PIBF1: variants seen among roughly 807,000 people sequenced by gnomAD.
PIBF1 encodes the protein progesterone immunomodulatory binding factor 1.
PIBF1 carries 90 observed loss-of-function variants against 112.5 expected under a neutral mutation model. That is an observed-to-expected ratio of 0.80 (90% CI 0.67 to 0.95). PIBF1 has a LOEUF of 0.95. Ranked by LOEUF, PIBF1 falls within the 40% of genes least tolerant of loss-of-function variation. The pLI is 0.00. For synonymous variants in PIBF1, 301 were observed against 288.6 expected (o/e 1.04, Z -0.44); for missense variants, 915 against 852.3 (o/e 1.07, Z -0.92).
At chr13:73,012,758 C>CAATAAT (rs60685629) in intron 17 of PIBF1, among the ~76,000 whole-genome samples, 16,447 of 147,434 alleles carry the variant, frequency 0.11, 1,143 homozygotes, top group Non-Finnish European at 0.16. Context: ...CTGTCTCCAC[C>CAATAAT]AATAATAATA....
intron 10 of PIBF1, among the ~76,000 whole-genome samples, chr13:72,885,745 C>G (rs778658622): frequency 9.9e-5 from 15 of 152,248 alleles, no homozygotes; most frequent in Middle Eastern, 3.4e-3. Context: ...AGAACCGTGG[C>G]ATCTAGAGTT....
chr13:72,980,135 A>G (rs1439865698), intron 16 of PIBF1, among the ~76,000 whole-genome samples: 7 of 152,126 alleles, frequency 4.6e-5, no homozygotes, highest in Admixed American at 3.3e-4. Flanking sequence ...GAGAGTTGGA[A>G]ATGTAGGTTC....
At chr13:72,816,696 T>TA (rs1036889954) in intron 5 of PIBF1, among the ~76,000 whole-genome samples, 230 of 139,966 alleles carry the variant, frequency 1.6e-3, no homozygotes, top group East Asian at 4.5e-3. Context: ...TTTTTTTCTT[T>TA]AAAAAAAAAA....
chr13:72,870,336 A>G (rs2039109825), intron 10 of PIBF1, among the ~76,000 whole-genome samples: 1 of 152,172 alleles, frequency 6.6e-6, no homozygotes, highest in South Asian at 2.1e-4. Flanking sequence ...AACATTATGA[A>G]CTCAGCACTT....
chr13:72,790,237 A>G (rs2034827075), intron 2 of PIBF1, among the ~76,000 whole-genome samples: 1 of 152,198 alleles, frequency 6.6e-6, no homozygotes, highest in Non-Finnish European at 1.5e-5. Flanking sequence ...CTAAGGGCAG[A>G]CAAGACAGAA....
chr13:73,014,010 G>A (rs1342002175), intron 17 of PIBF1, among the ~76,000 whole-genome samples: 1 of 152,130 alleles, frequency 6.6e-6, no homozygotes, highest in East Asian at 1.9e-4. Flanking sequence ...ACTAGGCCCA[G>A]ATGGGTTCAC....
chr13:72,972,597 G>A (rs746226318), intron 15 of PIBF1, among the ~76,000 whole-genome samples: 34 of 151,786 alleles, frequency 2.2e-4, no homozygotes, highest in Non-Finnish European at 2.8e-4. Context: ...CCAGGAGGCA[G>A]AGGTTGCAGT....
chr13:72,836,421 G>A (rs1021629731), intron 9 of PIBF1, among the ~76,000 whole-genome samples: 2 of 151,980 alleles, frequency 1.3e-5, no homozygotes, highest in African/African-American at 4.8e-5. Flanking sequence ...TTTCTACTAG[G>A]AATATAGTAG....
chr13:73,013,068 G>A (rs1342506256), intron 17 of PIBF1, among the ~76,000 whole-genome samples: 1 of 151,214 alleles, frequency 6.6e-6, no homozygotes, highest in African/African-American at 2.4e-5. Flanking sequence ...TTGGGAGGCC[G>A]AGGCGGGCGG....
intron 7 of PIBF1, 127 bp downstream of exon 7, chr13:72,827,245 T>G (rs888612870): frequency 1.1e-5 from 4 of 364,214 alleles, no homozygotes; most frequent in African/African-American, 9.3e-5. Flanking sequence ...TAAATTTTTT[T>G]TTTTTTTTTT....
In PIBF1 at chr13:72,821,908, C is replaced by T. The variant is rs752026683; in HGVS notation, c.732C>T (p.Ala244=). The T allele has an allele frequency of 2.5e-6, 4 of 1,612,738 alleles. No homozygotes were observed. The highest frequency in any genetic ancestry group is 1.7e-4 in the Middle Eastern group (1 of 6,052). The change falls in exon 6 of 18, where the codon GCC becomes GCT. Residue 244 remains alanine (A), a synonymous_variant. Coordinates refer to ENST00000326291, the MANE Select transcript of PIBF1 (RefSeq NM_006346.4). Reference sequence around the variant, plus strand: ...TTCAAATTAGATGTCAACGTTTGGCCTTAGAATTAGCAGACACAAAACAGT... The same window carrying T: ...TTCAAATTAGATGTCAACGTTTGGCTTTAGAATTAGCAGACACAAAACAGT... The part of the protein sequence containing the change: ...SEVQIRCQRL[A]LELADTKQLI...
intron 15 of PIBF1, among the ~76,000 whole-genome samples, chr13:72,972,267 T>G (rs1004927557): frequency 6.6e-6 from 1 of 151,948 alleles, no homozygotes; most frequent in African/African-American, 2.4e-5. Context: ...CCTGGGCTCA[T>G]GCAGTTCTCC....
intron 8 of PIBF1, among the ~76,000 whole-genome samples, chr13:72,829,493 A>C (rs969348853): frequency 1.3e-5 from 2 of 152,232 alleles, no homozygotes; most frequent in African/African-American, 4.8e-5. Context: ...AGTTTTCTGC[A>C]TATGGCTACC....
chr13:72,783,745 G>T, intron 2 of PIBF1, 24 bp downstream of exon 2: 1 of 1,605,074 alleles, frequency 6.2e-7, no homozygotes, highest in Non-Finnish European at 8.5e-7. Context: ...TAAATTTTGT[G>T]TTCTATATGC....
chr13:72,932,221 A>C (rs1042189442), intron 14 of PIBF1, among the ~76,000 whole-genome samples: 1 of 152,036 alleles, frequency 6.6e-6, no homozygotes, highest in African/African-American at 2.4e-5. Context: ...CTGGGATTGG[A>C]GATGTGCCAC....
intron 5 of PIBF1, among the ~76,000 whole-genome samples, chr13:72,810,460 A>G (rs182926232): frequency 6.6e-6 from 1 of 152,230 alleles, no homozygotes; most frequent in African/African-American, 2.4e-5. Context: ...TTAGAAACAT[A>G]GTTACATTCT....
At chr13:72,821,113 G>C (rs1164812470) in intron 5 of PIBF1, among the ~76,000 whole-genome samples, 1 of 152,192 alleles carries the variant, frequency 6.6e-6, no homozygotes, top group Non-Finnish European at 1.5e-5. Flanking sequence ...GAACAGGTTA[G>C]AAGCAGCATT....
chr13:72,910,356 TCTTTCTG>T (rs1214091651), intron 12 of PIBF1, among the ~76,000 whole-genome samples: 1 of 152,206 alleles, frequency 6.6e-6, no homozygotes, highest in Non-Finnish European at 1.5e-5. Context: ...CTCATGTTTA[TCTTTCTG>T]CTTTCATATC....
intron 14 of PIBF1, among the ~76,000 whole-genome samples, chr13:72,959,364 GC>G (rs1301488603): frequency 1.3e-5 from 2 of 152,000 alleles, no homozygotes; most frequent in African/African-American, 2.4e-5. Context: ...CCAAAGTGTT[GC>G]CCCCCTATCG....
Sources: allele counts gnomAD v4.1 joint callset (sites outside exome capture counted in the v4.1 genomes callset), GRCh38; gene constraint gnomAD v4.1.1; transcripts MANE v1.5; gene names NCBI Gene and HGNC (gene_info 2026-07-23, HGNC 2026-07-21).